Variants in GTF2H1 observed in about 807,000 individuals in gnomAD.
GTF2H1 encodes BTF2 p62.
In GTF2H1, 16 loss-of-function variants were observed where a neutral mutation model predicts 71.2. That is an observed-to-expected ratio of 0.22 (90% confidence interval 0.15 to 0.34). The LOEUF is 0.34. GTF2H1 is among the 10% of genes least tolerant of loss of function. The probability of loss-of-function intolerance (pLI) is 1.00; values close to 1 mark genes in which losing one functional copy is unlikely to be tolerated. For missense variants in GTF2H1, 498 were observed against 648.2 expected (o/e 0.77, Z 2.52); for synonymous variants, 215 against 219.0 (o/e 0.98, Z 0.16).
chr11:18,351,645 C>T (rs890655294), intron 9 of GTF2H1: 1 of 277,664 alleles, frequency 3.6e-6, no homozygotes, highest in Non-Finnish European at 6.8e-6. Flanking sequence ...ACCAGATTGG[C>T]AAAAGTAAAA....
chr11:18,352,186 A>G (rs1488807281), intron 10 of GTF2H1, 143 bp from the exon 11 acceptor site: 1 of 639,816 alleles, frequency 1.6e-6, no homozygotes, highest in African/African-American at 1.8e-5. Flanking sequence ...CCTTATGGGA[A>G]TTAAATTATT....
In GTF2H1 at chr11:18,322,689, C is replaced by G. The variant is rs1473634295; in HGVS notation, c.-67C>G. ...CTCTAAGAAGCGCAGCGGAACTCGACCGGATCCAACCCAGTTAGTTACTTC... is the reference window on the plus strand; with the variant it reads ...CTCTAAGAAGCGCAGCGGAACTCGAGCGGATCCAACCCAGTTAGTTACTTC... On this transcript the variant is annotated 5_prime_UTR_variant, in exon 1 of 15. Transcript: ENST00000265963. 1.3e-5 allele frequency: 2 copies of G among 150,990 alleles called. No individual in the cohort carries two copies. The highest frequency in any genetic ancestry group is 2.4e-5 in the African/African-American group (1 of 41,016). 9.4% of individuals were successfully genotyped at this position (150,990 alleles called of 1,614,324 possible). A position where few individuals can be genotyped will look rare whatever the true frequency, so the allele number is the denominator to read the frequency against.
Position 18,358,042 on chromosome 11 carries a change from C to T in GTF2H1, c.1351C>T (p.Gln451Ter). The stretch of plus-strand genomic sequence containing the variant: ...GGGAGGAACACAGCAAGCCATAAAC[C>T]GTATGTGCCGGGCCATCTTCTACTA... ...MQGGTQQAIN[Q>*]MVPNDIQSEL... is the part of the protein sequence containing the mutation. Residue 451 changes from glutamine (Q) to a stop codon, truncating the protein, a stop_gained and splice_region_variant, in exon 12 of 15, where the codon CAG becomes TAG. Transcript: ENST00000265963. LOFTEE classifies it high-confidence loss of function. The T allele has an allele frequency of 1.2e-6, 2 of 1,605,928 alleles. No individual in the cohort carries two copies. Among genetic ancestry groups the T allele is most frequent in the Non-Finnish European group, 1.7e-6 (2 of 1,172,544 alleles).
In GTF2H1 at chr11:18,351,936, A is replaced by G; in HGVS notation, c.1109A>G (p.Lys370Arg). The change falls in exon 10 of 15, where the codon AAA becomes AGA. Residue 370 changes from lysine (K) to arginine (R), a missense_variant. Physicochemically the swap from Lys to Arg is conservative, Grantham distance 26. This residue lies in a region of GTF2H1 where 266 missense variants were observed against 301.6 expected (regional missense o/e 0.88). Transcript: ENST00000265963. ...YEDLGKNNSVKTIALNLKKSD... is the reference protein window; with the variant it reads ...YEDLGKNNSVRTIALNLKKSD... ...GACTTGGGGAAAAATAATTCTGTAA[A>G]AACGATTGCACTAAACCTCAAGAAG... 1 of 1,599,566 alleles carries G rather than the reference A, an allele frequency of 6.3e-7. No homozygotes were observed. Among genetic ancestry groups the G allele is most frequent in the Non-Finnish European group, 8.6e-7 (1 of 1,166,970 alleles).
rs760955085 is a variant in GTF2H1 at position 18,360,688 on chromosome 11, G to A, written c.1541G>A (p.Arg514Lys). ...KLCPFQEKIR[R>K]QYLSTNLVSH... ...TGTCCATTCCAAGAAAAGATTCGGA[G>A]ACAGTATTTAAGCACAAATGTAAGG... The change falls in exon 14 of 15, where the codon AGA (arginine) becomes AAA (lysine). Residue 514 changes from arginine (R) to lysine (K), a missense_variant. Arg to Lys is a conservative substitution (Grantham distance 26). Transcript: ENST00000265963. 6.4e-7 allele frequency: 1 copy of A among 1,562,186 alleles called. No homozygotes were observed. Among genetic ancestry groups the A allele is most frequent in the Admixed American group, 1.9e-5 (1 of 51,364 alleles).
At chr11:18,325,544 C>G (rs1033762394) in intron 1 of GTF2H1, among the ~76,000 whole-genome samples, 4 of 152,166 alleles carry the variant, frequency 2.6e-5, no homozygotes, top group African/African-American at 9.7e-5. Context: ...GGCCTCTGCC[C>G]TCCCTTATGA....
chr11:18,345,530 G>C (rs1249846704), intron 7 of GTF2H1, among the ~76,000 whole-genome samples: 1 of 145,102 alleles, frequency 6.9e-6, no homozygotes, highest in Admixed American at 6.9e-5. Context: ...ATGGAGTCGT[G>C]CCCTTTTGCC....
chr11:18,333,361 G>C, intron 2 of GTF2H1, 133 bp downstream of exon 2: 1 of 624,614 alleles, frequency 1.6e-6, no homozygotes. Flanking sequence ...TGGGGTCACT[G>C]AATATATACT....
intron 1 of GTF2H1, chr11:18,324,358 A>G (rs1425599925): frequency 6.6e-6 from 1 of 152,246 alleles, no homozygotes; most frequent in Non-Finnish European, 1.5e-5. Flanking sequence ...GTGAAAAAAA[A>G]TCAAAGCAAA....
intron 1 of GTF2H1, among the ~76,000 whole-genome samples, chr11:18,326,376 G>A (rs1198671688): frequency 3.9e-5 from 6 of 152,146 alleles, no homozygotes; most frequent in Non-Finnish European, 8.8e-5. Flanking sequence ...AGAAAAATTA[G>A]CGAGGTGTGG....
Position 18,360,653 on chromosome 11 carries a change from T to C in GTF2H1, c.1506T>C (p.Val502=), listed in dbSNP as rs763437837. ...AAAGTAATTTGGAACGATTCCAAGT[T>C]ACGAAGCTCTGTCCATTCCAAGAAA... ...KMKSNLERFQ[V]TKLCPFQEKI... The change falls in exon 14 of 15, where the codon GTT becomes GTC. Residue 502 remains valine (V), a synonymous_variant. Transcript: ENST00000265963. 1 of 1,568,654 alleles carries C rather than the reference T, an allele frequency of 6.4e-7. No homozygotes were observed. The highest frequency in any genetic ancestry group is 8.6e-7 in the Non-Finnish European group (1 of 1,161,538).
chr11:18,342,252 C>CTTTTTTTTTTTTTTTTTTTTTTTTTTT (rs71047585), intron 7 of GTF2H1, among the ~76,000 whole-genome samples: 2 of 72,720 alleles, frequency 2.8e-5, no homozygotes, highest in Non-Finnish European at 4.9e-5. Context: ...TTTTCTGTCT[C>CTTTTTTTTTTTTTTTTTTTTTTTTTTT]TTTTTTTTTT....
intron 7 of GTF2H1, chr11:18,342,024 A>G (rs1485644144): frequency 6.4e-6 from 1 of 155,270 alleles, no homozygotes; most frequent in Non-Finnish European, 1.4e-5. Context: ...ATACCATGCC[A>G]ACCCCAATGT....
intron 1 of GTF2H1, among the ~76,000 whole-genome samples, chr11:18,328,805 G>A (rs895450831): frequency 7.4e-4 from 112 of 151,238 alleles, no homozygotes; most frequent in African/African-American, 2.6e-3. Flanking sequence ...CTGCCTGGGT[G>A]ACAGTGAGAC....
At chr11:18,356,641 G>T (rs1212395383) in intron 11 of GTF2H1, among the ~76,000 whole-genome samples, 2 of 152,114 alleles carry the variant, frequency 1.3e-5, no homozygotes, top group Admixed American at 1.3e-4. Context: ...CTGGAGTGCA[G>T]TAGCACTATC....
At chr11:18,355,032 A>T (rs2133984252) in intron 11 of GTF2H1, among the ~76,000 whole-genome samples, 1 of 150,350 alleles carries the variant, frequency 6.7e-6, no homozygotes, top group South Asian at 2.1e-4. Flanking sequence ...CTGGTCTTTA[A>T]CTCCTGAGCT....
At chr11:18,343,219 G>A (rs756796111) in intron 7 of GTF2H1, among the ~76,000 whole-genome samples, 1 of 152,188 alleles carries the variant, frequency 6.6e-6, no homozygotes, top group Non-Finnish European at 1.5e-5. Flanking sequence ...ACTGTGCCCG[G>A]CCCAAGCCCA....
At position 18,335,902 on chromosome 11, in the gene GTF2H1, C is replaced by T; in HGVS notation, c.303C>T (p.Pro101=). The change falls in exon 3 of 15, where the codon CCC becomes CCT. Residue 101 remains proline (P), a synonymous_variant. Transcript: ENST00000265963. ...AAGACCTTCTTCAGCAGCTGCTGCC[C>T]AAATTCAAGAGGAAAGCAAATAAAG... is the stretch of plus-strand genomic sequence containing the variant. ...AVKDLLQQLL[P]KFKRKANKEL... 1.2e-6 allele frequency: 2 copies of T among 1,613,982 alleles called. No individual in the cohort carries two copies. Among genetic ancestry groups the T allele is most frequent in the Non-Finnish European group, 1.7e-6 (2 of 1,179,948 alleles).
intron 7 of GTF2H1, among the ~76,000 whole-genome samples, chr11:18,344,670 C>T (rs1179783603): frequency 5.3e-5 from 8 of 151,532 alleles, no homozygotes; most frequent in Non-Finnish European, 1.0e-4. Context: ...TAATAATCCC[C>T]TATGTGAATC....
Sources: gnomAD v4.1 joint callset for allele counts (sites outside exome capture counted in the v4.1 genomes callset) on GRCh38, gnomAD v4.1.1 for gene constraint, gnomAD v4.1.1 regional missense constraint, MANE v1.5 for transcripts, NCBI Gene and HGNC (gene_info 2026-07-23, HGNC 2026-07-21) for gene names.